Variants in STK32C observed in about 807,000 individuals in gnomAD.
The protein encoded by STK32C is serine/threonine kinase 32C, also known as serine/threonine-protein kinase 32C.
In STK32C, 31 loss-of-function variants were observed where a neutral mutation model predicts 56.5. The observed-to-expected ratio is 0.55, with a 90% CI of 0.41 to 0.74. STK32C has a LOEUF of 0.74. Among genes scored for constraint, STK32C ranks in the 30% least tolerant of loss-of-function variants. The probability of loss-of-function intolerance (pLI) is 0.00; values close to 1 mark genes in which losing one functional copy is unlikely to be tolerated. For synonymous variants in STK32C, 309 were observed against 289.4 expected (o/e 1.07, Z -0.69); for missense variants, 544 against 676.9 (o/e 0.80, Z 2.18).
At chr10:132,281,997 C>T (rs542073650) in intron 1 of STK32C, among the ~76,000 whole-genome samples, 20 of 152,346 alleles carry the variant, frequency 1.3e-4, no homozygotes, top group African/African-American at 4.3e-4. Context: ...CCCTGCTGAG[C>T]GCCGACATTC....
At chr10:132,301,641 G>A (rs117630407) in intron 1 of STK32C, among the ~76,000 whole-genome samples, 6,545 of 152,304 alleles carry the variant, frequency 0.043, 179 homozygotes, top group Middle Eastern at 0.071. Flanking sequence ...GACAGATGCC[G>A]CATCCCAGTG....
chr10:132,213,592 C>T (rs1360034335), intron 10 of STK32C, among the ~76,000 whole-genome samples: 1 of 152,202 alleles, frequency 6.6e-6, no homozygotes, highest in Admixed American at 6.5e-5. Flanking sequence ...TACATCACGT[C>T]CAGCTTTCAA....
chr10:132,209,569 C>T (rs892174521), intron 10 of STK32C, among the ~76,000 whole-genome samples: 3 of 151,418 alleles, frequency 2.0e-5, no homozygotes, highest in East Asian at 3.9e-4. Context: ...AGCTTGTGGA[C>T]GGAGGCTGCC....
chr10:132,227,878 C>A, intron 3 of STK32C, 99 bp downstream of exon 3: 1 of 1,466,122 alleles, frequency 6.8e-7, no homozygotes. Context: ...ATCTCCGAGG[C>A]ACGAGGGCCA....
intron 4 of STK32C, among the ~76,000 whole-genome samples, chr10:132,226,513 C>T (rs144002383): frequency 1.7e-4 from 26 of 152,340 alleles, no homozygotes; most frequent in Non-Finnish European, 3.1e-4. Context: ...CCTGCTGTGA[C>T]CCAGCCTGGT....
chr10:132,306,516 G>C (rs560473229), intron 1 of STK32C, among the ~76,000 whole-genome samples: 1 of 152,192 alleles, frequency 6.6e-6, no homozygotes. Flanking sequence ...CCGGAGGAAC[G>C]GCGGTGCACG....
chr10:132,221,271 C>A (rs2062631674), intron 10 of STK32C, among the ~76,000 whole-genome samples: 1 of 151,728 alleles, frequency 6.6e-6, no homozygotes, highest in Non-Finnish European at 1.5e-5. Context: ...CCCACACACA[C>A]AACTGATGCT....
chr10:132,238,668 A>G (rs1469953883), intron 2 of STK32C, among the ~76,000 whole-genome samples: 1 of 152,142 alleles, frequency 6.6e-6, no homozygotes, highest in Non-Finnish European at 1.5e-5. Flanking sequence ...ACCAAAGGCA[A>G]GTGTTTCTGA....
At chr10:132,295,973 TG>T (rs2065733573) in intron 1 of STK32C, among the ~76,000 whole-genome samples, 1 of 150,920 alleles carries the variant, frequency 6.6e-6, no homozygotes, top group South Asian at 2.1e-4. Context: ...GGGCTGCATA[TG>T]GTGCCATCCT....
At chr10:132,235,293 C>T (rs1284737948) in intron 2 of STK32C, among the ~76,000 whole-genome samples, 2 of 152,036 alleles carry the variant, frequency 1.3e-5, no homozygotes, top group Non-Finnish European at 2.9e-5. Context: ...GTCAGGAGTT[C>T]AAGACCATCC....
chr10:132,227,608 GCGA>G (rs1215124213), intron 3 of STK32C, among the ~76,000 whole-genome samples: 2 of 143,092 alleles, frequency 1.4e-5, no homozygotes, highest in Non-Finnish European at 3.1e-5. Context: ...GGTGGTGATG[GCGA>G]TGATGGTGGT....
At chr10:132,248,475 G>C (rs917179507) in intron 1 of STK32C, among the ~76,000 whole-genome samples, 5 of 152,254 alleles carry the variant, frequency 3.3e-5, no homozygotes, top group Non-Finnish European at 4.4e-5. Context: ...CTGGGTCCAA[G>C]GACCCTCTGT....
chr10:132,291,569 G>A (rs551894275), intron 1 of STK32C, among the ~76,000 whole-genome samples: 5 of 152,326 alleles, frequency 3.3e-5, no homozygotes, highest in Admixed American at 1.3e-4. Flanking sequence ...ATGGAGTTGG[G>A]CCTGGAGCCT....
downstream of STK32C, among the ~76,000 whole-genome samples, chr10:132,322,017 G>A (rs974839668): frequency 2.6e-5 from 4 of 152,108 alleles, no homozygotes; most frequent in African/African-American, 9.7e-5. Context: ...AGATATTGAC[G>A]AACACCCTCT....
At chr10:132,238,225 G>A (rs1376933034) in intron 2 of STK32C, among the ~76,000 whole-genome samples, 1 of 152,182 alleles carries the variant, frequency 6.6e-6, no homozygotes, top group Non-Finnish European at 1.5e-5. Context: ...GGCCCCCACG[G>A]GAAGCTACAC....
intron 10 of STK32C, among the ~76,000 whole-genome samples, chr10:132,212,287 A>G (rs374563786): frequency 6.6e-6 from 1 of 152,222 alleles, no homozygotes; most frequent in Non-Finnish European, 1.5e-5. Context: ...AAGTCAAAAA[A>G]CAAGGTATGA....
intron 10 of STK32C, among the ~76,000 whole-genome samples, chr10:132,218,794 T>C (rs1286899974): frequency 6.6e-6 from 1 of 152,032 alleles, no homozygotes; most frequent in Non-Finnish European, 1.5e-5. Flanking sequence ...TGTTAACAAG[T>C]GGAAAGAACA....
chr10:132,266,782 G>C (rs2064548650), intron 1 of STK32C, among the ~76,000 whole-genome samples: 1 of 151,812 alleles, frequency 6.6e-6, no homozygotes, highest in Non-Finnish European at 1.5e-5. Context: ...TCGGGGAGGA[G>C]GGCACTGGAG....
At position 132,209,115 on chromosome 10, in the gene STK32C, G is replaced by T; in HGVS notation, c.1252-14C>A. ...ATAGTCATTCTCCTGTGGATGGAAA[G>T]GCACACGTGAGCGTGGGGGACGCTG... On this transcript the variant is annotated splice_polypyrimidine_tract_variant and intron_variant, in intron 10 of 11. Transcript: ENST00000298630. 2 of 1,612,830 alleles carry T rather than the reference G, an allele frequency of 1.2e-6. No individual in the cohort carries two copies. Among genetic ancestry groups the T allele is most frequent in the Non-Finnish European group, 1.7e-6 (2 of 1,179,206 alleles).
Sources: gnomAD v4.1 joint callset for allele counts (sites outside exome capture counted in the v4.1 genomes callset) on GRCh38, gnomAD v4.1.1 for gene constraint, MANE v1.5 for transcripts, NCBI Gene and HGNC (gene_info 2026-07-23, HGNC 2026-07-21) for gene names.